CEP63: variants seen among roughly 807,000 people sequenced by gnomAD.
CEP63 encodes centrosomal protein of 63 kDa.
A neutral mutation model predicts 89.1 loss-of-function variants in CEP63; 84 were observed. The observed-to-expected ratio is 0.94, with a 90% CI of 0.79 to 1.13. The LOEUF is 1.13. Among genes scored for constraint, CEP63 ranks in the 50% most tolerant of loss-of-function variants. CEP63 has a pLI of 0.00. For missense variants in CEP63, 838 were observed against 813.3 expected, an observed-to-expected ratio of 1.03 and a Z score of -0.37; for synonymous variants, 267 against 272.5, an observed-to-expected ratio of 0.98 and a Z score of 0.20.
At chr3:134,574,773 T>G (rs538967869) in intron 11 of CEP63, 9 of 601,378 alleles carry the variant, frequency 1.5e-5, no homozygotes, top group Non-Finnish European at 2.7e-5. Context: ...CTGGCTAATT[T>G]TTTATATTTT....
chr3:134,733,497 G>T, the CEP63 span, among the ~76,000 whole-genome samples: 1 of 152,126 alleles, frequency 6.6e-6, no homozygotes, highest in South Asian at 2.1e-4. Flanking sequence ...ACATTATTTG[G>T]AAAGAAGATT....
chr3:134,754,834 C>G, the CEP63 span, among the ~76,000 whole-genome samples: 1 of 152,178 alleles, frequency 6.6e-6, no homozygotes, highest in Non-Finnish European at 1.5e-5. Context: ...TAGATAGAGA[C>G]AGGCAAGCAT....
chr3:134,664,584 C>G, the CEP63 span, among the ~76,000 whole-genome samples: 2 of 152,134 alleles, frequency 1.3e-5, no homozygotes, highest in African/African-American at 4.8e-5. Flanking sequence ...TGGGGTGGCT[C>G]TCTATGGCAA....
chr3:134,548,333 T>G (rs1236896314), intron 9 of CEP63, among the ~76,000 whole-genome samples: 1 of 152,226 alleles, frequency 6.6e-6, no homozygotes, highest in African/African-American at 2.4e-5. Flanking sequence ...GGGGTAACAG[T>G]TGACACATGG....
chr3:134,651,619 T>TC, the CEP63 span: 3 of 986,796 alleles, frequency 3.0e-6, no homozygotes, highest in Non-Finnish European at 3.6e-6. Context: ...AGTCAGGAGC[T>TC]CCCCCCAGTT....
chr3:134,528,425 C>T (rs926404575), intron 3 of CEP63, among the ~76,000 whole-genome samples: 3 of 152,156 alleles, frequency 2.0e-5, no homozygotes, highest in African/African-American at 7.2e-5. Flanking sequence ...TTTGAGAACT[C>T]CGTAGTCAGC....
chr3:134,557,292 T>A (rs1231331688), intron 12 of CEP63, among the ~76,000 whole-genome samples: 2 of 152,004 alleles, frequency 1.3e-5, no homozygotes, highest in Non-Finnish European at 1.5e-5. Flanking sequence ...CACAGATAGT[T>A]CACAGGTATA....
intron 6 of CEP63, among the ~76,000 whole-genome samples, chr3:134,538,937 C>G (rs941134826): frequency 7.2e-5 from 11 of 152,018 alleles, no homozygotes; most frequent in African/African-American, 2.7e-4. Flanking sequence ...TACTGTAATT[C>G]AGCTAGGGCT....
the CEP63 span, among the ~76,000 whole-genome samples, chr3:134,646,960 G>C: frequency 2.0e-5 from 3 of 152,182 alleles, no homozygotes; most frequent in Non-Finnish European, 2.9e-5. Flanking sequence ...GAAAAAAGAG[G>C]CTTTGGAAGC....
At chr3:134,558,763 T>A (rs1956764627) in intron 13 of CEP63, among the ~76,000 whole-genome samples, 1 of 152,226 alleles carries the variant, frequency 6.6e-6, no homozygotes, top group South Asian at 2.1e-4. Context: ...GCTCATACTA[T>A]ATGGCTTACA....
chr3:134,747,802 T>G, the CEP63 span, among the ~76,000 whole-genome samples: 2 of 151,974 alleles, frequency 1.3e-5, no homozygotes, highest in Non-Finnish European at 2.9e-5. Context: ...CTTTCTTTTT[T>G]TGAGACGGAG....
chr3:134,600,532 A>G, the CEP63 span, among the ~76,000 whole-genome samples: 1 of 152,202 alleles, frequency 6.6e-6, no homozygotes, highest in Non-Finnish European at 1.5e-5. Context: ...GAGCTATGGC[A>G]CTTCTGAAAC....
downstream of CEP63, among the ~76,000 whole-genome samples, chr3:134,578,700 A>G (rs954147970): frequency 6.6e-6 from 1 of 152,156 alleles, no homozygotes; most frequent in African/African-American, 2.4e-5. Context: ...TGCTGGCTGC[A>G]TAAATGTCTT....
upstream of CEP63, chr3:134,486,000 C>CCG: frequency 1.0e-5 from 10 of 965,838 alleles, no homozygotes; most frequent in African/African-American, 1.8e-5. Context: ...CGCCCCCCCC[C>CCG]CCTCCCCCGC....
At chr3:134,658,801 C>T in the CEP63 span, among the ~76,000 whole-genome samples, 4 of 152,172 alleles carry the variant, frequency 2.6e-5, no homozygotes, top group Non-Finnish European at 4.4e-5. Context: ...TCTGAGACAG[C>T]GCTGCTCAGT....
chr3:134,751,772 C>T, the CEP63 span, among the ~76,000 whole-genome samples: 1 of 152,264 alleles, frequency 6.6e-6, no homozygotes, highest in East Asian at 1.9e-4. Context: ...CTTTACTGAG[C>T]CCTTAACATT....
At chr3:134,686,458 C>T in the CEP63 span, among the ~76,000 whole-genome samples, 1 of 152,228 alleles carries the variant, frequency 6.6e-6, no homozygotes, top group Non-Finnish European at 1.5e-5. Flanking sequence ...GGCTGAGGTA[C>T]TGGCCAAGAG....
intron 3 of CEP63, among the ~76,000 whole-genome samples, chr3:134,512,129 G>A (rs1024006406): frequency 2.0e-5 from 3 of 152,188 alleles, no homozygotes; most frequent in African/African-American, 7.2e-5. Flanking sequence ...AATTTTGGTT[G>A]TAAGAATGTC....
At chr3:134,694,857 C>T in the CEP63 span, among the ~76,000 whole-genome samples, 8 of 152,282 alleles carry the variant, frequency 5.3e-5, no homozygotes, top group East Asian at 1.9e-4. Flanking sequence ...TTGGTTGCCA[C>T]AGATAGAGAA....
Sources: gnomAD v4.1 joint callset for allele counts (sites outside exome capture counted in the v4.1 genomes callset) on GRCh38, gnomAD v4.1.1 for gene constraint, MANE v1.5 for transcripts, NCBI Gene and HGNC (gene_info 2026-07-23, HGNC 2026-07-21) for gene names.